Variants in FBXL2 observed in about 807,000 individuals in gnomAD.
The protein encoded by FBXL2 is F-box/LRR-repeat protein 2.
Under a neutral mutation model 69.2 loss-of-function variants are expected in FBXL2, and 38 were observed. The observed-to-expected ratio is 0.55, with a 90% CI of 0.42 to 0.72. The LOEUF (loss-of-function observed/expected upper bound fraction) is 0.72, where lower values mean the gene tolerates loss of function less well. Among genes scored for constraint, FBXL2 ranks in the 30% least tolerant of loss-of-function variants. The probability of loss-of-function intolerance (pLI) is 0.00; values close to 1 mark genes in which losing one functional copy is unlikely to be tolerated. For missense variants in FBXL2, 354 were observed against 520.3 expected (o/e 0.68, Z 3.11); for synonymous variants, 192 against 201.3 (o/e 0.95, Z 0.39).
At chr3:33,291,917 T>G (rs2035263105) in intron 1 of FBXL2, among the ~76,000 whole-genome samples, 1 of 152,216 alleles carries the variant, frequency 6.6e-6, no homozygotes, top group African/African-American at 2.4e-5. Context: ...TACAACTATG[T>G]GCTGTCTTTA....
intron 4 of FBXL2, among the ~76,000 whole-genome samples, chr3:33,361,094 G>A (rs1365461138): frequency 9.5e-5 from 13 of 137,142 alleles, no homozygotes; most frequent in Non-Finnish European, 9.2e-5. Context: ...ACCACGCCCG[G>A]CTAATTTTTT....
intron 13 of FBXL2, 147 bp downstream of exon 13, chr3:33,378,888 A>T: frequency 7.0e-7 from 1 of 1,436,368 alleles, no homozygotes; most frequent in Non-Finnish European, 9.2e-7. Context: ...TTGGGAGGCA[A>T]GGTATCTAAA....
the FBXL2 span, among the ~76,000 whole-genome samples, chr3:33,420,733 C>T: frequency 4.6e-5 from 7 of 152,108 alleles, no homozygotes; most frequent in Non-Finnish European, 8.8e-5. Flanking sequence ...GTGATCCACC[C>T]GCCTCTGCCT....
rs553613632 is a variant in FBXL2, at chr3:33,309,915, C to T, written c.65+12190C>T. 2.0e-5 allele frequency among the ~76,000 whole-genome samples: 3 copies of T among 152,086 alleles called. No individual in the cohort carries two copies. In the South Asian group the frequency reaches 6.2e-4, roughly 32 times the overall value. On this transcript the variant is annotated intron_variant, in intron 2 of 14. Coordinates refer to ENST00000484457, the MANE Select transcript of FBXL2 (RefSeq NM_012157.5). ...GTGGCTCACGCCTGTAATCCCAGCACTTTGGGAGACTAAGCAGGGAGGATC... is the reference window on the plus strand; with the variant it reads ...GTGGCTCACGCCTGTAATCCCAGCATTTTGGGAGACTAAGCAGGGAGGATC...
intron 2 of FBXL2, among the ~76,000 whole-genome samples, chr3:33,348,044 AT>A (rs1042967076): frequency 1.3e-5 from 2 of 151,864 alleles, no homozygotes; most frequent in African/African-American, 2.4e-5. Context: ...CCATTTGTCC[AT>A]TTTTGCTTTA....
chr3:33,322,054 T>G (rs886110155), intron 2 of FBXL2, among the ~76,000 whole-genome samples: 7 of 145,884 alleles, frequency 4.8e-5, no homozygotes, highest in Non-Finnish European at 1.0e-4. Flanking sequence ...GTACACGTGG[T>G]GACTAGGTGA....
chr3:33,325,293 TG>T (rs1340263358), intron 2 of FBXL2, among the ~76,000 whole-genome samples: 4 of 152,218 alleles, frequency 2.6e-5, no homozygotes, highest in African/African-American at 9.6e-5. Context: ...TTCTTTCTCT[TG>T]CCTGATTGCC....
intron 1 of FBXL2, among the ~76,000 whole-genome samples, chr3:33,291,694 T>C (rs998137818): frequency 1.3e-5 from 2 of 150,692 alleles, no homozygotes; most frequent in African/African-American, 4.9e-5. Context: ...TACAGAGAGG[T>C]ATAGCTGTAA....
At chr3:33,412,859 T>C in the FBXL2 span, 7 of 1,428,206 alleles carry the variant, frequency 4.9e-6, no homozygotes, top group Non-Finnish European at 4.9e-6. Flanking sequence ...TGAGTACTTT[T>C]AAACTGCTCC....
At chr3:33,400,619 T>G (rs955392219) in intron 12 of FBXL2, among the ~76,000 whole-genome samples, 3 of 152,040 alleles carry the variant, frequency 2.0e-5, no homozygotes, top group African/African-American at 7.2e-5. Flanking sequence ...CTAAAAAAAT[T>G]TGAACACATG....
intron 2 of FBXL2, among the ~76,000 whole-genome samples, chr3:33,358,537 G>T (rs192402875): frequency 2.0e-5 from 3 of 151,928 alleles, no homozygotes; most frequent in African/African-American, 4.8e-5. Context: ...CCATCTTTCT[G>T]CCAGGCAAAC....
chr3:33,372,722 G>A (rs903427804), intron 5 of FBXL2: 6 of 338,478 alleles, frequency 1.8e-5, no homozygotes, highest in African/African-American at 1.3e-4. Flanking sequence ...TTGCCCCCTT[G>A]GTTCAAATTG....
chr3:33,409,100 C>A, the FBXL2 span: 1 of 864,460 alleles, frequency 1.2e-6, no homozygotes, highest in Non-Finnish European at 1.8e-6. Flanking sequence ...ATATTTTCCC[C>A]AGAAATTTCA....
chr3:33,379,681 CA>C (rs34431678), intron 13 of FBXL2, among the ~76,000 whole-genome samples: 20,577 of 140,302 alleles, frequency 0.15, 1,518 homozygotes, highest in South Asian at 0.19. Context: ...AAAATTGTAC[CA>C]AAAAAAAAAC....
At chr3:33,359,048 C>G in intron 3 of FBXL2, 27 bp downstream of exon 3, 1 of 1,431,234 alleles carries the variant, frequency 7.0e-7, no homozygotes, top group Non-Finnish European at 9.4e-7. Flanking sequence ...ATTTTTTAAT[C>G]AATAAATATC....
chr3:33,357,582 T>G (rs532302068), intron 2 of FBXL2, among the ~76,000 whole-genome samples: 23 of 138,032 alleles, frequency 1.7e-4, no homozygotes, highest in Admixed American at 1.6e-3. Context: ...CAGGTTGGAG[T>G]GCAGTGGCGC....
At chr3:33,390,268 A>G (rs1455523499), downstream of FBXL2, 3 of 1,499,534 alleles carry the variant, frequency 2.0e-6, no homozygotes, top group African/African-American at 4.2e-5. Context: ...TCTTGGATTC[A>G]GTCTTCACAC....
chr3:33,308,663 A>G (rs1011343495), intron 2 of FBXL2, among the ~76,000 whole-genome samples: 8 of 152,022 alleles, frequency 5.3e-5, no homozygotes, highest in Admixed American at 3.9e-4. Flanking sequence ...TCTTCTTCCT[A>G]TTTCTCTCAG....
chr3:33,277,632 C>T (rs1027075514), intron 1 of FBXL2, 117 bp downstream of exon 1: 162 of 1,079,172 alleles, frequency 1.5e-4, no homozygotes, highest in Non-Finnish European at 1.9e-4. Flanking sequence ...AGAGGCCGGG[C>T]CGCGGCCTGC....
Sources: gnomAD v4.1 joint callset for allele counts (sites outside exome capture counted in the v4.1 genomes callset) on GRCh38, gnomAD v4.1.1 for gene constraint, MANE v1.5 for transcripts, NCBI Gene and HGNC (gene_info 2026-07-23, HGNC 2026-07-21) for gene names.